Variants in ITIH4 observed in about 807,000 individuals in gnomAD.
The protein encoded by ITIH4 is inter-alpha-trypsin inhibitor heavy chain H4.
In ITIH4, 79 loss-of-function variants were observed where a neutral mutation model predicts 111.8. The ratio of observed to expected loss-of-function variants is 0.71; its 90% CI spans 0.59 to 0.85. ITIH4 has a LOEUF of 0.85. Among genes scored for constraint, ITIH4 ranks in the 40% least tolerant of loss-of-function variants. The pLI, the probability that ITIH4 is intolerant of heterozygous loss-of-function variation, is 0.00. For missense variants in ITIH4, 1,065 were observed against 1,195.8 expected (o/e 0.89, Z 1.61); for synonymous variants, 472 against 468.3 (o/e 1.01, Z -0.10).
intron 11 of ITIH4, chr3:52,822,423 T>C (rs990117241): frequency 1.3e-5 from 2 of 152,122 alleles, no homozygotes; most frequent in African/African-American, 4.8e-5. Context: ...AAATAACCAC[T>C]AAAACAAGCC....
chr3:52,822,332 G>A (rs1255277640), intron 11 of ITIH4: 1 of 151,858 alleles, frequency 6.6e-6, no homozygotes, highest in Non-Finnish European at 1.5e-5. Flanking sequence ...GACAGAGCGA[G>A]ACTCCATCTC....
Position 52,824,928 on chromosome 3 carries a change from C to G in ITIH4, c.790G>C (p.Ala264Pro). The G allele has an allele frequency of 6.2e-7, 1 of 1,613,666 alleles. No individual in the cohort carries two copies. The highest frequency in any genetic ancestry group is 8.5e-7 in the Non-Finnish European group (1 of 1,179,764). ...IENGYFVHYF[A>P]PEGLTTMPKN... ...GGCATTGTGGTTAGGCCCTCGGGGG[C>G]AAAGTAGTGTACAAAGTAGCCGTTC... Residue 264 changes from alanine (A) to proline (P), a missense_variant, in exon 7 of 24, where the codon GCC (alanine) becomes CCC (proline). Physicochemically the swap from Ala to Pro is conservative, Grantham distance 27. Coordinates refer to ENST00000266041, the MANE Select transcript of ITIH4 (RefSeq NM_002218.5). This position sits in a 1 kb window ranked among gnomAD's most constrained non-coding sequence, Gnocchi z 4.3.
chr3:52,827,012 G>C (rs1423289258), intron 3 of ITIH4, 59 bp from the exon 4 acceptor site: 2 of 1,612,464 alleles, frequency 1.2e-6, no homozygotes, highest in Non-Finnish European at 1.7e-6. Context: ...GGCTGGTAGA[G>C]GTGGGAGCAG....
Position 52,814,250 on chromosome 3 carries a change from C to T in ITIH4, c.2585G>A (p.Arg862His), listed in dbSNP as rs201607989. 4.5e-5 allele frequency: 73 copies of T among 1,613,726 alleles called. No individual in the cohort carries two copies. The East Asian group carries it at 7.1e-4, about 16-fold the overall frequency. Residue 862 changes from arginine (R) to histidine (H), a missense_variant, in exon 22 of 24, where the codon CGT (arginine) becomes CAT (histidine). Transcript: ENST00000266041. ...GRGEGLRLLL[R>H]DTDRFSSHVG... ...GTGGCTGGAGAAGCGGTCAGTGTCACGCAGAAGGAGCCGGAGCCCCTCCCC... is the reference window on the plus strand; with the variant it reads ...GTGGCTGGAGAAGCGGTCAGTGTCATGCAGAAGGAGCCGGAGCCCCTCCCC...
chr3:52,816,381 A>G (rs929578078), intron 21 of ITIH4, among the ~76,000 whole-genome samples: 4 of 152,384 alleles, frequency 2.6e-5, no homozygotes, highest in Middle Eastern at 3.4e-3. Context: ...AATGCTGGTA[A>G]CATGCTGTCA....
At chr3:52,819,715 G>A in intron 16 of ITIH4, 39 bp downstream of exon 16, 2 of 1,608,226 alleles carry the variant, frequency 1.2e-6, no homozygotes, top group South Asian at 1.1e-5. Context: ...TCCCCCCCAG[G>A]GATGTCATGC....
At chr3:52,828,721 G>A (rs1700522120) in intron 2 of ITIH4, among the ~76,000 whole-genome samples, 1 of 152,198 alleles carries the variant, frequency 6.6e-6, no homozygotes, top group African/African-American at 2.4e-5. Context: ...TCCTCCTCAA[G>A]CCACTCTCCA....
At chr3:52,823,784 C>T in intron 10 of ITIH4, 39 bp downstream of exon 10, 1 of 1,613,700 alleles carries the variant, frequency 6.2e-7, no homozygotes, top group Non-Finnish European at 8.5e-7. Context: ...TTTATGACTG[C>T]CCACTTCTCT....
rs753806483 is a variant in ITIH4 at position 52,821,077 on chromosome 3, C to T, written c.1593G>A (p.Ala531=). The change falls in exon 12 of 24, where the codon GCG becomes GCA. Residue 531 remains alanine (A), a synonymous_variant. Coordinates refer to ENST00000266041, the MANE Select transcript of ITIH4 (RefSeq NM_002218.5). ...AGATATACTTGGGGCTCTGGAACTCCGCCTCCTGCTCTGCCACACTGGACT... is the reference window on the plus strand; with the variant it reads ...AGATATACTTGGGGCTCTGGAACTCTGCCTCCTGCTCTGCCACACTGGACT... ...QTESSVAEQE[A]EFQSPKYIFH... The T allele has an allele frequency of 1.7e-5, 28 of 1,613,834 alleles. No homozygotes were observed. The highest frequency in any genetic ancestry group is 4.4e-5 in the South Asian group (4 of 91,066).
chr3:52,813,645 C>T (rs1700227558), intron 23 of ITIH4, among the ~76,000 whole-genome samples, 155 bp from the exon 24 acceptor site: 1 of 152,174 alleles, frequency 6.6e-6, no homozygotes, highest in African/African-American at 2.4e-5. Flanking sequence ...GCCCAGTCAC[C>T]CAGAGCATTA....
chr3:52,820,162 C>A lies in ITIH4; in HGVS notation c.1861+129G>T, dbSNP rs1229602705. On this transcript the variant is annotated intron_variant, in intron 14 of 23. Transcript: ENST00000266041. Reference sequence around the variant, plus strand: ...TGGGTCAGATTACACTGCCTCCTGGCAGCAGGGATGGGCTGGAGAGGCCTG... The same window carrying A: ...TGGGTCAGATTACACTGCCTCCTGGAAGCAGGGATGGGCTGGAGAGGCCTG... 17 of 1,375,706 alleles carry A rather than the reference C, an allele frequency of 1.2e-5. No homozygotes were observed. In the Middle Eastern group the frequency reaches 6.3e-4, roughly 51 times the overall value. 85.2% of individuals were successfully genotyped at this position (1,375,706 alleles called of 1,614,324 possible). A position where few individuals can be genotyped will look rare whatever the true frequency, so the allele number is the denominator to read the frequency against.
chr3:52,820,551 C>A (rs1700362500), intron 13 of ITIH4, 80 bp downstream of exon 13: 4 of 1,505,778 alleles, frequency 2.7e-6, no homozygotes, highest in Non-Finnish European at 3.6e-6. Flanking sequence ...GGGTCTTGGT[C>A]AGGATGCAGG....
intron 11 of ITIH4, among the ~76,000 whole-genome samples, chr3:52,821,599 C>T (rs982451062): frequency 8.5e-5 from 13 of 152,150 alleles, no homozygotes; most frequent in East Asian, 3.8e-4. Context: ...GTCATGGCTC[C>T]GGGTTTGGGG....
Position 52,824,522 on chromosome 3 carries a change from CTG to C in ITIH4, c.918_919del (p.Asp308ProfsTer46). 6.2e-7 allele frequency: 1 copy of C among 1,614,010 alleles called. No individual in the cohort carries two copies. Among genetic ancestry groups the C allele is most frequent in the Non-Finnish European group, 8.5e-7 (1 of 1,180,024 alleles). On this transcript the variant is annotated frameshift_variant, in exon 8 of 24. Coordinates refer to ENST00000266041, the MANE Select transcript of ITIH4 (RefSeq NM_002218.5). LOFTEE classifies it high-confidence loss of function. This position sits in a 1 kb window ranked among gnomAD's most constrained non-coding sequence, Gnocchi z 4.3. ...GAAGACGATGAGGTTGAACTGGTCT[CTG>C]GGGCTGAGGTCATCCAGGATCTTGA... is the stretch of plus-strand genomic sequence containing the variant.
rs1700349823 is a variant in ITIH4, at chr3:52,820,008, C to T, written c.1862-18G>A. 2 of 1,613,732 alleles carry T rather than the reference C, an allele frequency of 1.2e-6. No homozygotes were observed. Among genetic ancestry groups the T allele is most frequent in the Admixed American group, 1.7e-5 (1 of 60,012 alleles). ...AGTGGAACCTGGAAATCAGTGGGAC[C>T]TGGGTTTGCATCTTGCACCCACCTT... On this transcript the variant is annotated intron_variant, in intron 14 of 23. Coordinates refer to ENST00000266041, the MANE Select transcript of ITIH4 (RefSeq NM_002218.5).
intron 2 of ITIH4, among the ~76,000 whole-genome samples, chr3:52,828,736 G>A (rs1000169200): frequency 2.0e-5 from 3 of 152,202 alleles, no homozygotes; most frequent in African/African-American, 7.2e-5. Context: ...TCTCCACTGT[G>A]AGGAAGCCAA....
At chr3:52,818,009 T>G in intron 20 of ITIH4, 43 bp downstream of exon 20, 1 of 1,437,060 alleles carries the variant, frequency 7.0e-7, no homozygotes, top group Non-Finnish European at 9.8e-7. Context: ...GTGGTGGGTG[T>G]GTGCCAGTGG....
rs1341286348 is a variant in ITIH4, at chr3:52,827,870, A to G, written c.252-673T>C. 6.6e-5 allele frequency among the ~76,000 whole-genome samples: 10 copies of G among 152,346 alleles called. No homozygotes were observed. The Middle Eastern group carries it at 0.01, about 155-fold the overall frequency. On this transcript the variant is annotated intron_variant, in intron 2 of 23. Coordinates refer to ENST00000266041, the MANE Select transcript of ITIH4 (RefSeq NM_002218.5). ...GAATGGCCCAGGCCATTTCTCAGGG[A>G]GGAAAACGACTTTTTCAGAGCCTCC...
chr3:52,826,768 C>T, intron 4 of ITIH4, 23 bp downstream of exon 4: 1 of 1,613,608 alleles, frequency 6.2e-7, no homozygotes, highest in Non-Finnish European at 8.5e-7. Flanking sequence ...GGAGGCCTCC[C>T]TGGAAGAGGT....
Sources: allele counts gnomAD v4.1 joint callset (sites outside exome capture counted in the v4.1 genomes callset), GRCh38; gene constraint gnomAD v4.1.1; non-coding constraint Gnocchi (gnomAD v3.1); transcripts MANE v1.5; gene names NCBI Gene and HGNC (gene_info 2026-07-23, HGNC 2026-07-21).